HECA: variants seen among roughly 807,000 people sequenced by gnomAD.
HECA encodes the protein headcase protein homolog.
HECA carries 13 observed loss-of-function variants against 37.6 expected under a neutral mutation model. The ratio of observed to expected loss-of-function variants is 0.35; its 90% CI spans 0.23 to 0.55. The LOEUF (loss-of-function observed/expected upper bound fraction) is 0.55, where lower values mean the gene tolerates loss of function less well. Among genes scored for constraint, HECA ranks in the 20% least tolerant of loss-of-function variants. HECA has a pLI of 0.90. For missense variants in HECA, 527 were observed against 701.9 expected (o/e 0.75, Z 2.82); for synonymous variants, 307 against 291.5 (o/e 1.05, Z -0.54).
At chr6:139,138,437 T>C (rs1774476314) in intron 1 of HECA, among the ~76,000 whole-genome samples, 1 of 152,232 alleles carries the variant, frequency 6.6e-6, no homozygotes, top group African/African-American at 2.4e-5. Flanking sequence ...AGTTTTTCAC[T>C]GTTCAAGTCA....
At chr6:139,171,451 G>T (rs1774971973) in intron 2 of HECA, among the ~76,000 whole-genome samples, 1 of 152,160 alleles carries the variant, frequency 6.6e-6, no homozygotes, top group Non-Finnish European at 1.5e-5. Flanking sequence ...GAAGATCAGG[G>T]TGTTTAATTA....
chr6:139,136,765 G>A (rs1487640749), intron 1 of HECA, among the ~76,000 whole-genome samples: 1 of 152,008 alleles, frequency 6.6e-6, no homozygotes, highest in Non-Finnish European at 1.5e-5. Context: ...CTCCCGAGTA[G>A]CTGGGATTAC....
chr6:139,154,808 T>C (rs938430708), intron 1 of HECA, among the ~76,000 whole-genome samples: 4 of 152,212 alleles, frequency 2.6e-5, no homozygotes, highest in African/African-American at 9.7e-5. Context: ...AGATAAACTA[T>C]GAGTAAAGAG....
chr6:139,158,670 C>CA (rs4052916), intron 1 of HECA, among the ~76,000 whole-genome samples: 14,670 of 123,098 alleles, frequency 0.12, 1,323 homozygotes, highest in African/African-American at 0.21. Context: ...GACCCTGTCT[C>CA]AAAAAAAAAA....
At chr6:139,161,432 A>T (rs1334464239) in intron 1 of HECA, among the ~76,000 whole-genome samples, 1 of 152,154 alleles carries the variant, frequency 6.6e-6, no homozygotes, top group African/African-American at 2.4e-5. Context: ...ACAGTGGAGC[A>T]TGGCTGTGAA....
intron 1 of HECA, among the ~76,000 whole-genome samples, chr6:139,150,095 T>C (rs1774633015): frequency 6.6e-6 from 1 of 152,252 alleles, no homozygotes; most frequent in Non-Finnish European, 1.5e-5. Flanking sequence ...TCTAGGGCCA[T>C]ATGGAGTGGA....
At chr6:139,173,563 G>A (rs1233264938) in intron 2 of HECA, among the ~76,000 whole-genome samples, 1 of 152,162 alleles carries the variant, frequency 6.6e-6, no homozygotes, top group Non-Finnish European at 1.5e-5. Context: ...GTGTTCTCCT[G>A]ATGGTAGTTT....
chr6:139,164,805 G>A (rs1359286495), intron 1 of HECA, among the ~76,000 whole-genome samples: 2 of 55,408 alleles, frequency 3.6e-5, no homozygotes, highest in South Asian at 6.3e-4. Context: ...GCCCCCCACC[G>A]CTCATACAAC....
chr6:139,170,168 A>AT (rs1305826059), intron 2 of HECA: 3 of 152,176 alleles, frequency 2.0e-5, no homozygotes, highest in East Asian at 1.9e-4. Context: ...AACTTGAAAC[A>AT]TTTTTTATGA....
In HECA at chr6:139,135,116, T is replaced by C. The variant is rs1432371446; in HGVS notation, c.-281T>C. On this transcript the variant is annotated 5_prime_UTR_variant, in exon 1 of 4. Transcript: ENST00000367658. ...ATCAAAACAAGCCGGAGACCCGCCT[T>C]TTCCCTCCGGCTCGGGAGCGTCTCG... The C allele has an allele frequency of 6.2e-6, 1 of 160,214 alleles. No homozygotes were observed. The highest frequency in any genetic ancestry group is 2.4e-5 in the African/African-American group (1 of 41,650). 9.9% of individuals were successfully genotyped at this position (160,214 alleles called of 1,614,324 possible).
At chr6:139,152,527 T>C (rs1304925596) in intron 1 of HECA, among the ~76,000 whole-genome samples, 2 of 152,020 alleles carry the variant, frequency 1.3e-5, no homozygotes, top group Non-Finnish European at 2.9e-5. Flanking sequence ...AAGAAAAACA[T>C]GTTTAACTGA....
chr6:139,145,171 G>C (rs1774568363), intron 1 of HECA, among the ~76,000 whole-genome samples: 1 of 152,228 alleles, frequency 6.6e-6, no homozygotes, highest in South Asian at 2.1e-4. Context: ...GAGTGACTGT[G>C]TGTTTTAATT....
At position 139,177,086 on chromosome 6, in the gene HECA, A is replaced by G. The variant is rs777457385; in HGVS notation, c.1613A>G (p.Lys538Arg). The G allele has an allele frequency of 2.1e-5, 18 of 858,326 alleles. No individual in the cohort carries two copies. The highest frequency in any genetic ancestry group is 1.0e-4 in the Admixed American group (6 of 58,948). The allele number at this position is 858,326 out of a possible 1,614,324, so 53.2% of individuals were successfully genotyped here. A position where few individuals can be genotyped will look rare whatever the true frequency, so the allele number is the denominator to read the frequency against. Residue 538 changes from lysine (K) to arginine (R), a missense_variant, in exon 4 of 4, where the codon AAA (lysine) becomes AGA (arginine). Lys to Arg is a conservative substitution (Grantham distance 26). This residue lies in a region of HECA where 106 missense variants were observed against 193.4 expected (regional missense o/e 0.55). Transcript: ENST00000367658. The surrounding 1 kb of genome is among the most constrained non-coding windows in gnomAD (Gnocchi z 4.9). The stretch of plus-strand genomic sequence containing the variant: ...TTCGTGAAGCCATTTTCCTCCTTCA[A>G]AGTTCTCGAAGCTTATTGATGAAAG... Reference protein sequence around the residue: ...YHFVKPFSSFKVLEAY With the variant: ...YHFVKPFSSFRVLEAY
At chr6:139,173,214 C>G (rs1349364502) in intron 2 of HECA, among the ~76,000 whole-genome samples, 1 of 152,212 alleles carries the variant, frequency 6.6e-6, no homozygotes. Context: ...ATCCTTCCCC[C>G]TTTTGGCATA....
In HECA at chr6:139,178,200, A is replaced by T. The variant is rs545509869; in HGVS notation, c.*1095A>T. The stretch of plus-strand genomic sequence containing the variant: ...GCATAGCAGTATGTTTGAAAAATAG[A>T]CCATTCTAAAAAGCCCATGATACCT... On this transcript the variant is annotated 3_prime_UTR_variant, in exon 4 of 4. Coordinates refer to ENST00000367658, the MANE Select transcript of HECA (RefSeq NM_016217.3). 43 of 152,330 alleles carry T rather than the reference A, an allele frequency of 2.8e-4. No homozygotes were observed. The highest frequency in any genetic ancestry group is 1.0e-3 in the African/African-American group (43 of 41,580). The allele number at this position is 152,330 out of a possible 1,614,324, so 9.4% of individuals were successfully genotyped here.
At chr6:139,157,627 C>A (rs1200936553) in intron 1 of HECA, among the ~76,000 whole-genome samples, 1 of 152,212 alleles carries the variant, frequency 6.6e-6, no homozygotes, top group Non-Finnish European at 1.5e-5. Flanking sequence ...CCTCATAAGC[C>A]TAAAGCACAC....
chr6:139,174,675 G>A, intron 3 of HECA, 136 bp downstream of exon 3: 1 of 1,274,096 alleles, frequency 7.8e-7, no homozygotes, highest in Non-Finnish European at 1.1e-6. Flanking sequence ...TTGTAATGTA[G>A]TCATTTAGTG....
intron 1 of HECA, among the ~76,000 whole-genome samples, chr6:139,149,583 T>C (rs1474484220): frequency 3.3e-5 from 5 of 152,194 alleles, no homozygotes; most frequent in Non-Finnish European, 5.9e-5. Flanking sequence ...CCCAGGGAGT[T>C]TGCAGTGAAT....
chr6:139,168,553 C>T (rs1229310133), intron 2 of HECA, among the ~76,000 whole-genome samples: 1 of 151,716 alleles, frequency 6.6e-6, no homozygotes, highest in South Asian at 2.1e-4. Flanking sequence ...CTGAAAATGC[C>T]CCTCGTGGAG....
Sources: allele counts gnomAD v4.1 joint callset (sites outside exome capture counted in the v4.1 genomes callset), GRCh38; gene constraint gnomAD v4.1.1; regional missense constraint gnomAD v4.1.1; non-coding constraint Gnocchi (gnomAD v3.1); transcripts MANE v1.5; gene names NCBI Gene and HGNC (gene_info 2026-07-23, HGNC 2026-07-21).